The following PDCD2 variants were observed in gnomAD, a reference collection of about 807,000 sequenced individuals.
PDCD2 encodes the protein programmed cell death 2, also known as uS5 assembly chaperone PDCD2.
PDCD2 carries 38 observed loss-of-function variants against 38.1 expected under a neutral mutation model. The observed-to-expected ratio is 1.00, with a 90% CI of 0.77 to 1.31. The LOEUF (loss-of-function observed/expected upper bound fraction) is 1.31. Ranked by LOEUF, PDCD2 falls within the 50% of genes most tolerant of loss-of-function variation. PDCD2 has a pLI of 0.00. For synonymous variants in PDCD2, 205 were observed against 168.9 expected, an observed-to-expected ratio of 1.21 and a Z score of -1.66; for missense variants, 473 against 435.7, an observed-to-expected ratio of 1.09 and a Z score of -0.76.
intron 3 of PDCD2, chr6:170,582,356 T>C (rs17860836): frequency 0.05 from 77,017 of 1,531,514 alleles, 2,270 homozygotes; most frequent in African/African-American, 0.077. Context: ...AGTAAGCTGA[T>C]GTTTTCATTT....
intron 3 of PDCD2, chr6:170,582,838 A>G: frequency 7.4e-7 from 1 of 1,350,500 alleles, no homozygotes; most frequent in South Asian, 2.0e-5. Flanking sequence ...GACCATCTGG[A>G]TACCCACCCT....
chr6:170,582,671 G>GT, intron 3 of PDCD2: 4 of 1,208,028 alleles, frequency 3.3e-6, no homozygotes, highest in South Asian at 2.1e-5. Flanking sequence ...ACAAAATTGT[G>GT]TATCTAAAAC....
rs1221769791 is a variant in PDCD2 at position 170,575,770 on chromosome 6, CCA to C, written c.*1787_*1788del. Reference sequence around the variant, plus strand: ...GCCCTGTAAACTGTTACGATCATCTCCAGAGGTTAACTGGAATATACACCAAT... The same window carrying C: ...GCCCTGTAAACTGTTACGATCATCTCGAGGTTAACTGGAATATACACCAAT... On this transcript the variant is annotated 3_prime_UTR_variant, in exon 6 of 6. Transcript: ENST00000541970. The C allele has an allele frequency of 2.0e-5, 3 of 152,144 alleles. No individual in the cohort carries two copies. The highest frequency in any genetic ancestry group is 4.4e-5 in the Non-Finnish European group (3 of 68,026). 9.4% of individuals were successfully genotyped at this position (152,144 alleles called of 1,614,324 possible).
At position 170,583,172 on chromosome 6, in the gene PDCD2, TATATGGTCCAGATG is replaced by T; in HGVS notation, c.529_542del (p.His177AsnfsTer12). The T allele has an allele frequency of 6.2e-7, 1 of 1,607,350 alleles. No individual in the cohort carries two copies. Among genetic ancestry groups the T allele is most frequent in the South Asian group, 1.1e-5 (1 of 90,728 alleles). ...GAAAAAGGAAGTTGTGGTCTGGAAT[TATATGGTCCAGATG>T]ATCTGAAACAAAAAGGACAGCACTA... On this transcript the variant is annotated frameshift_variant and splice_region_variant, in exon 3 of 6. Coordinates refer to ENST00000541970, the MANE Select transcript of PDCD2 (RefSeq NM_002598.4). LOFTEE classifies it high-confidence loss of function.
rs1250587686 is a variant in PDCD2, at chr6:170,580,013, C to T, written c.751G>A (p.Glu251Lys). 1 of 1,572,930 alleles carries T rather than the reference C, an allele frequency of 6.4e-7. No individual in the cohort carries two copies. Among genetic ancestry groups the T allele is most frequent in the Non-Finnish European group, 8.8e-7 (1 of 1,142,556 alleles). The change falls in exon 4 of 6, where the codon GAA (glutamate) becomes AAA (lysine). Residue 251 changes from glutamate to lysine, a missense_variant. Transcript: ENST00000541970. Reference sequence around the variant, plus strand: ...GAGCTCCACTTTACCTGTTCTGGTTCAAGGGCTATCTGAGTTTTAAACTTC... The same window carrying T: ...GAGCTCCACTTTACCTGTTCTGGTTTAAGGGCTATCTGAGTTTTAAACTTC... ...FQKFKTQIALEPEQILRYGRG... is the reference protein window; with the variant it reads ...FQKFKTQIALKPEQILRYGRG...
chr6:170,583,609 A>G lies in PDCD2; in HGVS notation c.422T>C (p.Leu141Ser), dbSNP rs779072921. 6 of 1,613,878 alleles carry G rather than the reference A, an allele frequency of 3.7e-6. No individual in the cohort carries two copies. The highest frequency in any genetic ancestry group is 5.1e-6 in the Non-Finnish European group (6 of 1,179,894). The change falls in exon 2 of 6, where the codon TTA (leucine) becomes TCA (serine). Residue 141 changes from leucine to serine, a missense_variant. Physicochemically the swap from Leu to Ser is moderately radical, Grantham distance 145. Transcript: ENST00000541970. The stretch of plus-strand genomic sequence containing the variant: ...GCATCTGGAGCACGTTTTGGGGCCT[A>G]AACAGCCACAAACCCTGCAGAGATG... ...GAHLCRVCGC[L>S]GPKTCSRCHK...
In PDCD2 at chr6:170,583,486, TA is replaced by T. The variant is rs754847690; in HGVS notation, c.526+18del. ...AAGGCGATGAAACTGAACTGAGACT[TA>T]AAAAAAAGATTACCCACCTGGTTGT... On this transcript the variant is annotated intron_variant, in intron 2 of 5. Coordinates refer to ENST00000541970, the MANE Select transcript of PDCD2 (RefSeq NM_002598.4). 18 of 1,592,776 alleles carry T rather than the reference TA, an allele frequency of 1.1e-5. No individual in the cohort carries two copies. Among genetic ancestry groups the T allele is most frequent in the African/African-American group, 2.7e-5 (2 of 74,310 alleles).
rs1252517497 is a variant in PDCD2 at position 170,576,126 on chromosome 6, C to T, written c.*1433G>A. ...GTGATTTTCATAGATTTAGCCATCC[C>T]AGGTTCGAAACTAGTATCCTCTAGC... is the stretch of plus-strand genomic sequence containing the variant. On this transcript the variant is annotated 3_prime_UTR_variant, in exon 6 of 6. Coordinates refer to ENST00000541970, the MANE Select transcript of PDCD2 (RefSeq NM_002598.4). 4 of 152,306 alleles carry T rather than the reference C, an allele frequency of 2.6e-5. No homozygotes were observed. Among genetic ancestry groups the T allele is most frequent in the African/African-American group, 9.6e-5 (4 of 41,560 alleles). 9.4% of individuals were successfully genotyped at this position (152,306 alleles called of 1,614,324 possible).
At chr6:170,579,254 A>G (rs1779528345) in intron 4 of PDCD2, 1 of 337,560 alleles carries the variant, frequency 3.0e-6, no homozygotes, top group Admixed American at 5.0e-5. Context: ...CTATGAATAT[A>G]TTGTGAAGGG....
chr6:170,576,355 C>T lies in PDCD2; in HGVS notation c.*1204G>A, dbSNP rs1379317865. The T allele has an allele frequency of 1.3e-5, 2 of 152,242 alleles. No individual in the cohort carries two copies. The highest frequency in any genetic ancestry group is 2.1e-4 in the South Asian group (1 of 4,826). 9.4% of individuals were successfully genotyped at this position (152,242 alleles called of 1,614,324 possible). A position where few individuals can be genotyped will look rare whatever the true frequency, so the allele number is the denominator to read the frequency against. On this transcript the variant is annotated 3_prime_UTR_variant, in exon 6 of 6. Coordinates refer to ENST00000541970, the MANE Select transcript of PDCD2 (RefSeq NM_002598.4). Reference sequence around the variant, plus strand: ...TAGCAAGTGATGTTACCTATGAAAACGTGAGGATTTATGGTGGCAATGCAT... The same window carrying T: ...TAGCAAGTGATGTTACCTATGAAAATGTGAGGATTTATGGTGGCAATGCAT...
intron 2 of PDCD2, 115 bp from the exon 3 acceptor site, chr6:170,583,303 C>T (rs967941202): frequency 5.3e-5 from 49 of 919,702 alleles, no homozygotes; most frequent in Non-Finnish European, 7.8e-5. Flanking sequence ...GATAAAGGGT[C>T]ATAAATTAAA....
chr6:170,580,960 A>C (rs1182887062), intron 3 of PDCD2: 1 of 152,240 alleles, frequency 6.6e-6, no homozygotes, highest in East Asian at 1.9e-4. Context: ...GGATGCCTTC[A>C]GATTGATGTT....
rs74482927 is a variant in PDCD2 at position 170,584,376 on chromosome 6, G to C, written c.206C>G (p.Pro69Arg). 5,295 of 1,490,742 alleles carry C rather than the reference G, an allele frequency of 3.6e-3. 175 individuals carry two copies. The African/African-American group carries it at 0.067, about 19-fold the overall frequency. 92.3% of individuals were successfully genotyped at this position (1,490,742 alleles called of 1,614,324 possible). The change falls in exon 1 of 6, where the codon CCT becomes CGT. Residue 69 changes from proline to arginine, a missense_variant. Transcript: ENST00000541970. ...GCGGTGGAAGGCGTCCGGGCGGCCAGGCAGCGGCGCATACACCTGCAGCAG... is the reference window on the plus strand; with the variant it reads ...GCGGTGGAAGGCGTCCGGGCGGCCACGCAGCGGCGCATACACCTGCAGCAG... Reference protein sequence around the residue: ...SFLLQVYAPLPGRPDAFHRCI... With the variant: ...SFLLQVYAPLRGRPDAFHRCI...
Position 170,583,122 on chromosome 6 carries a change from G to C in PDCD2, c.593C>G (p.Thr198Arg). Residue 198 changes from threonine to arginine, a missense_variant, in exon 3 of 6, where the codon ACA (threonine) becomes AGA (arginine). Coordinates refer to ENST00000541970, the MANE Select transcript of PDCD2 (RefSeq NM_002598.4). ...LFPEFEIVIE[T>R]EDEIMPEVVE... Reference sequence around the variant, plus strand: ...AACCTCAGGCATAATCTCATCTTCTGTTTCTATTACAATTTCAAATTCTGG... The same window carrying C: ...AACCTCAGGCATAATCTCATCTTCTCTTTCTATTACAATTTCAAATTCTGG... 6.2e-7 allele frequency: 1 copy of C among 1,613,026 alleles called. No homozygotes were observed. The highest frequency in any genetic ancestry group is 8.5e-7 in the Non-Finnish European group (1 of 1,179,422).
intron 3 of PDCD2, among the ~76,000 whole-genome samples, chr6:170,580,856 C>T (rs1779575220): frequency 6.6e-6 from 1 of 152,108 alleles, no homozygotes; most frequent in Admixed American, 6.5e-5. Context: ...ACTGATATAC[C>T]TTGGGTCAGA....
rs760052977 is a variant in PDCD2, at chr6:170,584,602, G to A, written c.-21C>T. ...GCCATGCGGGGCGCGGGCTGGCGTG[G>A]GGCGCAGCCCACAGCTGGGTCGGAA... On this transcript the variant is annotated 5_prime_UTR_variant, in exon 1 of 6. Transcript: ENST00000541970. 54 of 1,237,998 alleles carry A rather than the reference G, an allele frequency of 4.4e-5. No homozygotes were observed. Among genetic ancestry groups the A allele is most frequent in the Non-Finnish European group, 5.3e-5 (52 of 983,938 alleles). 76.7% of individuals were successfully genotyped at this position (1,237,998 alleles called of 1,614,324 possible).
At chr6:170,579,168 A>T in intron 4 of PDCD2, 198 bp from the exon 5 acceptor site, 1 of 538,022 alleles carries the variant, frequency 1.9e-6, no homozygotes. Context: ...TGATTATTTC[A>T]GTTTATCTGA....
chr6:170,582,824 A>T (rs1029442572), intron 3 of PDCD2: 31 of 1,339,944 alleles, frequency 2.3e-5, no homozygotes, highest in Non-Finnish European at 2.9e-5. Context: ...AGCCCTACTC[A>T]TGGGACCATC....
At chr6:170,582,262 A>T (rs1779630995) in intron 3 of PDCD2, 1 of 1,467,534 alleles carries the variant, frequency 6.8e-7, no homozygotes. Flanking sequence ...TTCCCATTAT[A>T]TCCCTGTTAT....
Sources: allele counts gnomAD v4.1 joint callset (sites outside exome capture counted in the v4.1 genomes callset), GRCh38; gene constraint gnomAD v4.1.1; transcripts MANE v1.5; gene names NCBI Gene and HGNC (gene_info 2026-07-23, HGNC 2026-07-21).